Variants in ZNF808 observed in about 807,000 individuals in gnomAD.
The protein encoded by ZNF808 is zinc finger protein 808.
In ZNF808, 5 loss-of-function variants were observed where a neutral mutation model predicts 8.7. That is an observed-to-expected ratio of 0.58 (90% CI 0.30 to 1.21). ZNF808 has a LOEUF of 1.21. Among genes scored for constraint, ZNF808 ranks in the 50% most tolerant of loss-of-function variants. The probability of loss-of-function intolerance (pLI) is 0.07; values close to 1 mark genes in which losing one functional copy is unlikely to be tolerated. For missense variants in ZNF808, 1,103 were observed against 1,098.4 expected (o/e 1.00, Z -0.06); for synonymous variants, 380 against 366.0 (o/e 1.04, Z -0.44).
chr19:52,546,423 G>A (rs552051701), intron 3 of ZNF808, among the ~76,000 whole-genome samples: 8 of 152,146 alleles, frequency 5.3e-5, no homozygotes, highest in South Asian at 4.1e-4. Flanking sequence ...CTGACCTCAT[G>A]ATCCACCTGC....
At chr19:52,558,264 C>T (rs974871861), downstream of ZNF808, among the ~76,000 whole-genome samples, 1 of 150,640 alleles carries the variant, frequency 6.6e-6, no homozygotes, top group Admixed American at 6.7e-5. Flanking sequence ...TTAGTAGAGG[C>T]GGGGTTTCAC....
intron 4 of ZNF808, 76 bp from the exon 5 acceptor site, chr19:52,553,031 G>T: frequency 7.0e-7 from 1 of 1,420,242 alleles, no homozygotes; most frequent in Non-Finnish European, 9.2e-7. Context: ...ATTGTTTTTT[G>T]TGTCATATTT....
intron 1 of ZNF808, among the ~76,000 whole-genome samples, chr19:52,529,248 C>G (rs1055569892): frequency 6.6e-6 from 1 of 151,130 alleles, no homozygotes; most frequent in Non-Finnish European, 1.5e-5. Context: ...GGGGCATAAT[C>G]GTGTGCACCT....
Position 52,555,925 on chromosome 19 carries a change from G to C in ZNF808, c.*297G>C. ...TTTACTTCACATTCACACCTCGTTG[G>C]ACATCAGAGAATCCATACTGGACAG... is the stretch of plus-strand genomic sequence containing the variant. On this transcript the variant is annotated 3_prime_UTR_variant, in exon 5 of 5. Transcript: ENST00000359798. The C allele has an allele frequency of 1.5e-6, 1 of 668,008 alleles. No homozygotes were observed. Among genetic ancestry groups the C allele is most frequent in the Non-Finnish European group, 2.8e-6 (1 of 351,936 alleles). The allele number at this position is 668,008 out of a possible 1,614,324, so 41.4% of individuals were successfully genotyped here.
chr19:52,528,929 G>A (rs945025800), intron 1 of ZNF808, among the ~76,000 whole-genome samples: 1 of 151,270 alleles, frequency 6.6e-6, no homozygotes, highest in Non-Finnish European at 1.5e-5. Flanking sequence ...TGGAAGAGAA[G>A]GAATAGAGGG....
intron 2 of ZNF808, among the ~76,000 whole-genome samples, chr19:52,541,012 C>T (rs1599979382): frequency 1.3e-5 from 2 of 152,104 alleles, no homozygotes; most frequent in Admixed American, 1.3e-4. Context: ...AGTGCAGTGG[C>T]ATGATCTCAG....
intron 2 of ZNF808, among the ~76,000 whole-genome samples, chr19:52,542,611 A>T (rs1485379754): frequency 6.6e-6 from 1 of 151,806 alleles, no homozygotes; most frequent in Non-Finnish European, 1.5e-5. Context: ...TAGAGAGTTT[A>T]GTTTGCCCAA....
chr19:52,568,029 G>A (rs1057329094), downstream of ZNF808, among the ~76,000 whole-genome samples: 1 of 152,196 alleles, frequency 6.6e-6, no homozygotes, highest in Admixed American at 6.5e-5. Context: ...AACCTTGAGA[G>A]GAACGTGGTC....
downstream of ZNF808, among the ~76,000 whole-genome samples, chr19:52,566,621 A>C (rs1314492774): frequency 6.6e-6 from 1 of 152,210 alleles, no homozygotes; most frequent in Non-Finnish European, 1.5e-5. Context: ...GCAGAAGCTC[A>C]GTCTGTCAGA....
chr19:52,537,184 C>G (rs2059621203), intron 2 of ZNF808, among the ~76,000 whole-genome samples: 1 of 119,928 alleles, frequency 8.3e-6, no homozygotes, highest in Admixed American at 8.5e-5. Context: ...GAAACTCTTT[C>G]TCAAAAAAAA....
In ZNF808 at chr19:52,553,589, C is replaced by A; in HGVS notation, c.673C>A (p.His225Asn). The A allele has an allele frequency of 6.2e-7, 1 of 1,614,142 alleles. No individual in the cohort carries two copies. Among genetic ancestry groups the A allele is most frequent in the Non-Finnish European group, 8.5e-7 (1 of 1,180,034 alleles). The change falls in exon 5 of 5, where the codon CAC becomes AAC. Residue 225 changes from histidine to asparagine, a missense_variant. His to Asn is a moderately conservative substitution (Grantham distance 68, BLOSUM62 1). Coordinates refer to ENST00000359798, the MANE Select transcript of ZNF808 (RefSeq NM_001039886.4). ...ATTACTCCCACAAAAACAGGAAGTA[C>A]ACATGAGAGAAAAATCTTTCCCATG... ...SSLLPQKQEVHMREKSFPCNE... is the reference protein window; with the variant it reads ...SSLLPQKQEVNMREKSFPCNE...
At position 52,555,208 on chromosome 19, in the gene ZNF808, G is replaced by A. The variant is rs752888744; in HGVS notation, c.2292G>A (p.Lys764=). The change falls in exon 5 of 5, where the codon AAG becomes AAA. Residue 764 remains lysine, a synonymous_variant. Coordinates refer to ENST00000359798, the MANE Select transcript of ZNF808 (RefSeq NM_001039886.4). ...RRLHSGEKPY[K]CNDCGNTFRH... is the part of the protein sequence containing the mutation. ...TTCATAGTGGTGAGAAACCTTACAAGTGTAACGACTGTGGCAATACCTTCC... is the reference window on the plus strand; with the variant it reads ...TTCATAGTGGTGAGAAACCTTACAAATGTAACGACTGTGGCAATACCTTCC... The A allele has an allele frequency of 2.5e-6, 4 of 1,614,046 alleles. No individual in the cohort carries two copies. In the South Asian group the frequency reaches 4.4e-5, roughly 18 times the overall value.
downstream of ZNF808, among the ~76,000 whole-genome samples, chr19:52,568,631 C>T (rs1015653232): frequency 1.3e-5 from 2 of 152,132 alleles, no homozygotes; most frequent in Non-Finnish European, 1.5e-5. Flanking sequence ...TCTGTATTTC[C>T]TTGTGTGTGT....
Position 52,531,149 on chromosome 19 carries a change from C to T in ZNF808, c.-121-1759C>T, listed in dbSNP as rs181443333. Among the ~76,000 whole-genome samples the T allele has an allele frequency of 1.4e-4, 22 of 152,208 alleles. No homozygotes were observed. In the East Asian group the frequency reaches 3.7e-3, roughly 25 times the overall value. The stretch of plus-strand genomic sequence containing the variant: ...CTCAAAAAAACAAAAAAAGAAATAG[C>T]AATCAGCTCTTTAATGTCTCCCTTT... On this transcript the variant is annotated intron_variant, in intron 1 of 4. Transcript: ENST00000359798.
chr19:52,547,876 A>G (rs1289839747), intron 4 of ZNF808, among the ~76,000 whole-genome samples: 1 of 151,196 alleles, frequency 6.6e-6, no homozygotes, highest in Non-Finnish European at 1.5e-5. Flanking sequence ...AGTAGCTGGG[A>G]TTACAGGCAT....
intron 2 of ZNF808, among the ~76,000 whole-genome samples, chr19:52,539,682 T>A (rs1176746721): frequency 1.3e-5 from 2 of 150,474 alleles, no homozygotes; most frequent in Non-Finnish European, 3.0e-5. Context: ...GCCTCCTGAG[T>A]AGTTATGATT....
chr19:52,543,301 C>G lies in ZNF808; in HGVS notation c.17C>G (p.Ala6Gly). Reference sequence around the variant, plus strand: ...TAAAGACTCATGTTACGTGAGGAAGCAGCTCAGAAGAGGAAAGGAAAGGAG... The same window carrying G: ...TAAAGACTCATGTTACGTGAGGAAGGAGCTCAGAAGAGGAAAGGAAAGGAG... The part of the protein sequence containing the change: MLREE[A>G]AQKRKGKESG... Residue 6 changes from alanine to glycine, a missense_variant, in exon 3 of 5, where the codon GCA becomes GGA. Transcript: ENST00000359798. 6.2e-7 allele frequency: 1 copy of G among 1,613,634 alleles called. No homozygotes were observed. The highest frequency in any genetic ancestry group is 8.5e-7 in the Non-Finnish European group (1 of 1,179,778).
exon 4 of ZNF808, chr19:52,564,076 A>G (rs989089017): frequency 2.8e-5 from 18 of 635,812 alleles, no homozygotes; most frequent in South Asian, 1.3e-4. Context: ...ACTTCTTGTC[A>G]TGTCTTCTCA....
intron 2 of ZNF808, among the ~76,000 whole-genome samples, chr19:52,534,552 T>A (rs186484321): frequency 3.3e-5 from 5 of 152,102 alleles, no homozygotes; most frequent in Non-Finnish European, 5.9e-5. Flanking sequence ...GGAAGACTCT[T>A]TGTTTTTCAA....
Sources: gnomAD v4.1 joint callset for allele counts (sites outside exome capture counted in the v4.1 genomes callset) on GRCh38, gnomAD v4.1.1 for gene constraint, MANE v1.5 for transcripts, NCBI Gene and HGNC (gene_info 2026-07-23, HGNC 2026-07-21) for gene names.